FOXP2: variants seen among roughly 807,000 people sequenced by gnomAD.
FOXP2 encodes the protein forkhead box P2.
Under a neutral mutation model 115.8 loss-of-function variants are expected in FOXP2, and 12 were observed. The ratio of observed to expected loss-of-function variants is 0.10; its 90% CI spans 0.07 to 0.17. FOXP2 has a LOEUF of 0.17. Among genes scored for constraint, FOXP2 ranks in the 10% least tolerant of loss-of-function variants. The probability of loss-of-function intolerance (pLI) is 1.00; values close to 1 mark genes in which losing one functional copy is unlikely to be tolerated. For missense variants in FOXP2, 629 were observed against 843.5 expected (o/e 0.75, Z 3.15); for synonymous variants, 328 against 297.7 (o/e 1.10, Z -1.05).
At chr7:114,363,315 T>A (rs1791795600) in intron 2 of FOXP2, among the ~76,000 whole-genome samples, 1 of 152,094 alleles carries the variant, frequency 6.6e-6, no homozygotes, top group South Asian at 2.1e-4. Flanking sequence ...TAACAATTCT[T>A]ATGGAAGCTC....
At chr7:114,546,877 AC>A (rs2129284395) in intron 3 of FOXP2, among the ~76,000 whole-genome samples, 1 of 152,316 alleles carries the variant, frequency 6.6e-6, no homozygotes, top group South Asian at 2.1e-4. Context: ...ACTTCTTACC[AC>A]AATGCTTGAC....
In FOXP2 at chr7:114,659,653, C is replaced by T; in HGVS notation, c.1627C>T (p.Arg543Cys). 3 of 1,613,504 alleles carry T rather than the reference C, an allele frequency of 1.9e-6. No homozygotes were observed. Among genetic ancestry groups the T allele is most frequent in the Non-Finnish European group, 1.7e-6 (2 of 1,179,574 alleles). Reference protein sequence around the residue: ...WFTRTFAYFRRNAATWKNAVR... With the variant: ...WFTRTFAYFRCNAATWKNAVR... ...TACACGGACATTTGCTTACTTCAGG[C>T]GTAATGCAGCAACTTGGAAGGTAAC... Residue 543 changes from arginine to cysteine, a missense_variant, in exon 13 of 17, where the codon CGT becomes TGT. This residue lies in a region of FOXP2 where 26 missense variants were observed against 61.1 expected (regional missense o/e 0.43). Coordinates refer to ENST00000350908, the MANE Select transcript of FOXP2 (RefSeq NM_014491.4).
intron 2 of FOXP2, among the ~76,000 whole-genome samples, chr7:114,386,952 A>C (rs1234294046): frequency 6.6e-6 from 1 of 152,134 alleles, no homozygotes; most frequent in African/African-American, 2.4e-5. Context: ...GAGCTTTTTG[A>C]TTTTACATTT....
chr7:114,533,445 A>G (rs1799236109), intron 2 of FOXP2, among the ~76,000 whole-genome samples: 1 of 151,804 alleles, frequency 6.6e-6, no homozygotes, highest in Non-Finnish European at 1.5e-5. Flanking sequence ...GTGTAATGCC[A>G]TATGCACATC....
At chr7:114,198,105 C>T (rs552398385) in intron 1 of FOXP2, among the ~76,000 whole-genome samples, 58 of 152,106 alleles carry the variant, frequency 3.8e-4, no homozygotes, top group Non-Finnish European at 6.5e-4. Flanking sequence ...CTCCAGTGAT[C>T]CGCCCATGTC....
At chr7:114,211,651 A>G (rs1441744278) in intron 1 of FOXP2, among the ~76,000 whole-genome samples, 3 of 152,238 alleles carry the variant, frequency 2.0e-5, no homozygotes, top group Admixed American at 6.5e-5. Context: ...TTAAAAGTTA[A>G]TCAGTGTTAG....
At chr7:114,288,284 G>A (rs1174235013) in intron 2 of FOXP2, among the ~76,000 whole-genome samples, 3 of 151,896 alleles carry the variant, frequency 2.0e-5, no homozygotes, top group African/African-American at 7.2e-5. Context: ...ATTAATCACT[G>A]CTATTGGGAT....
At chr7:114,173,358 T>G (rs77711359) in intron 1 of FOXP2, among the ~76,000 whole-genome samples, 190 of 151,866 alleles carry the variant, frequency 1.3e-3, no homozygotes, top group African/African-American at 4.5e-3. Flanking sequence ...CATTTTCTTT[T>G]TTTTTCTTCT....
At chr7:114,615,991 T>C (rs1803929129) in intron 3 of FOXP2, among the ~76,000 whole-genome samples, 1 of 152,206 alleles carries the variant, frequency 6.6e-6, no homozygotes, top group South Asian at 2.1e-4. Flanking sequence ...TCCTAGAATA[T>C]ATCAATGTTT....
At chr7:114,501,167 C>T (rs1797552153) in intron 2 of FOXP2, among the ~76,000 whole-genome samples, 1 of 152,044 alleles carries the variant, frequency 6.6e-6, no homozygotes. Context: ...ACTAAAGGTA[C>T]ACTAAATTGG....
At chr7:114,666,378 T>G (rs1023416696) in intron 16 of FOXP2, 15 of 152,032 alleles carry the variant, frequency 9.9e-5, no homozygotes, top group African/African-American at 3.6e-4. Context: ...TGTCATTAGG[T>G]TTTTGCATAA....
At chr7:114,393,683 G>A (rs1363934214) in intron 2 of FOXP2, among the ~76,000 whole-genome samples, 2 of 152,094 alleles carry the variant, frequency 1.3e-5, no homozygotes, top group Admixed American at 1.3e-4. Context: ...AGAACAGCCT[G>A]GCATGGGTTG....
intron 2 of FOXP2, among the ~76,000 whole-genome samples, chr7:114,512,879 C>T (rs921840746): frequency 1.3e-5 from 2 of 151,930 alleles, no homozygotes; most frequent in African/African-American, 2.4e-5. Context: ...GTCAAGAGAT[C>T]GATACCATCC....
intron 1 of FOXP2, among the ~76,000 whole-genome samples, chr7:114,184,590 T>C (rs1324988418): frequency 6.6e-6 from 1 of 152,122 alleles, no homozygotes; most frequent in South Asian, 2.1e-4. Context: ...GGAAGGTAGC[T>C]CAGGGTGAGG....
At chr7:114,495,991 C>T (rs1797304720) in intron 2 of FOXP2, among the ~76,000 whole-genome samples, 1 of 152,062 alleles carries the variant, frequency 6.6e-6, no homozygotes, top group African/African-American at 2.4e-5. Flanking sequence ...GGTTTAGAGA[C>T]TCTCCTCATA....
intron 3 of FOXP2, among the ~76,000 whole-genome samples, chr7:114,560,575 C>T (rs1023752743): frequency 2.6e-5 from 4 of 152,134 alleles, no homozygotes; most frequent in Non-Finnish European, 5.9e-5. Flanking sequence ...GAGATTGTGC[C>T]ACTGCACACC....
At chr7:114,484,208 T>C (rs1232091686) in intron 2 of FOXP2, among the ~76,000 whole-genome samples, 1 of 151,830 alleles carries the variant, frequency 6.6e-6, no homozygotes, top group Non-Finnish European at 1.5e-5. Context: ...ATTTTTTAAG[T>C]GTAGATTAGA....
At position 114,188,560 on chromosome 7, in the gene FOXP2, A is replaced by G. The variant is rs562813722; in HGVS notation, c.-102+25472A>G. ...AGGTAACTCCTCAATCCTTTTTTTT[A>G]TAGCTAATTTCATGTACTTATTTGT... On this transcript the variant is annotated intron_variant, in intron 1 of 17. Coordinates refer to the FOXP2 transcript ENST00000634411. Among the ~76,000 whole-genome samples the G allele has an allele frequency of 2.0e-5, 3 of 152,248 alleles. No individual in the cohort carries two copies. The South Asian group carries it at 6.2e-4, about 32-fold the overall frequency.
intron 4 of FOXP2, 85 bp downstream of exon 4, chr7:114,628,762 A>G (rs1386687629): frequency 1.3e-6 from 2 of 1,541,162 alleles, no homozygotes; most frequent in African/African-American, 1.4e-5. Context: ...ATATTTGACA[A>G]TTCAGTCTCC....
Sources: gnomAD v4.1 joint callset for allele counts (sites outside exome capture counted in the v4.1 genomes callset) on GRCh38, gnomAD v4.1.1 for gene constraint, gnomAD v4.1.1 regional missense constraint, MANE v1.5 for transcripts, NCBI Gene and HGNC (gene_info 2026-07-23, HGNC 2026-07-21) for gene names.